ZRANB1: variants seen among roughly 807,000 people sequenced by gnomAD.
ZRANB1 encodes the protein ubiquitin thioesterase ZRANB1.
A neutral mutation model predicts 80.5 loss-of-function variants in ZRANB1; 16 were observed. The observed-to-expected ratio is 0.20, with a 90% confidence interval of 0.13 to 0.30. The LOEUF (loss-of-function observed/expected upper bound fraction) is 0.30. Ranked by LOEUF, ZRANB1 falls within the 10% of genes least tolerant of loss-of-function variation. The pLI, the probability that ZRANB1 is intolerant of heterozygous loss-of-function variation, is 1.00. For missense variants in ZRANB1, 576 were observed against 862.6 expected (o/e 0.67, Z 4.16); for synonymous variants, 291 against 293.1 (o/e 0.99, Z 0.07).
the ZRANB1 span, among the ~76,000 whole-genome samples, chr10:124,930,320 C>T: frequency 6.6e-6 from 1 of 152,184 alleles, no homozygotes; most frequent in Non-Finnish European, 1.5e-5. Flanking sequence ...GGCTGGAGTG[C>T]AGTGGTGCAA....
At chr10:124,933,416 C>T in the ZRANB1 span, among the ~76,000 whole-genome samples, 22 of 152,164 alleles carry the variant, frequency 1.4e-4, no homozygotes, top group Non-Finnish European at 2.8e-4. Context: ...GGTTTACAGG[C>T]GTGAGCCACT....
At chr10:124,918,897 T>C in the ZRANB1 span, among the ~76,000 whole-genome samples, 3 of 152,226 alleles carry the variant, frequency 2.0e-5, no homozygotes, top group Non-Finnish European at 2.9e-5. Context: ...GACATTTTGC[T>C]CTTTTGAGGA....
At chr10:124,936,516 G>C in the ZRANB1 span, among the ~76,000 whole-genome samples, 1 of 152,128 alleles carries the variant, frequency 6.6e-6, no homozygotes, top group Non-Finnish European at 1.5e-5. Flanking sequence ...TTTAATGGAG[G>C]ATTTGATAAC....
chr10:124,942,525 A>AAT lies in ZRANB1; in HGVS notation c.35_36dup (p.Cys13IlefsTer54). On this transcript the variant is annotated frameshift_variant, in exon 1 of 9. Coordinates refer to ENST00000359653, the MANE Select transcript of ZRANB1 (RefSeq NM_017580.3). LOFTEE classifies it high-confidence loss of function. ...GAACGTGGAATTAAGTGGGCTTGTG[A>AAT]ATATTGTACGTATGAAAACTGGCCA... The AAT allele has an allele frequency of 6.2e-7, 1 of 1,614,186 alleles. No individual in the cohort carries two copies. The highest frequency in any genetic ancestry group is 8.5e-7 in the Non-Finnish European group (1 of 1,180,040).
the ZRANB1 span, among the ~76,000 whole-genome samples, chr10:124,922,279 A>AT: frequency 7.1e-4 from 27 of 37,800 alleles, no homozygotes; most frequent in African/African-American, 1.4e-3. Flanking sequence ...ATATATATGT[A>AT]AAATATATAT....
intron 3 of ZRANB1, among the ~76,000 whole-genome samples, chr10:124,973,366 A>G (rs1564965451): frequency 6.6e-6 from 1 of 151,990 alleles, no homozygotes; most frequent in South Asian, 2.1e-4. Flanking sequence ...CGTGTTGCCC[A>G]GGCTGGGCTC....
At chr10:124,950,857 T>C (rs1276505317) in intron 1 of ZRANB1, among the ~76,000 whole-genome samples, 1 of 152,188 alleles carries the variant, frequency 6.6e-6, no homozygotes. Flanking sequence ...GGTGTTCCCA[T>C]GTGGTCCCCA....
chr10:124,965,731 C>T lies in ZRANB1; in HGVS notation c.815-863C>T, dbSNP rs79137734. 3.4e-3 allele frequency among the ~76,000 whole-genome samples: 510 copies of T among 152,202 alleles called. 2 individuals are homozygous for T. The highest frequency in any genetic ancestry group is 0.012 in the African/African-American group (486 of 41,516). On this transcript the variant is annotated intron_variant, in intron 1 of 8. Transcript: ENST00000359653. ...ATAATTTTTTAAAAATTGTTTTAAA[C>T]ACTTTTTGTGGTAAATTGGAAGCTA...
At chr10:124,929,561 A>G in the ZRANB1 span, among the ~76,000 whole-genome samples, 1 of 149,312 alleles carries the variant, frequency 6.7e-6, no homozygotes, top group Non-Finnish European at 1.5e-5. Flanking sequence ...GTTGGTCTCG[A>G]TCTCCTGACC....
intron 1 of ZRANB1, among the ~76,000 whole-genome samples, chr10:124,964,682 A>G (rs939970469): frequency 2.6e-5 from 4 of 152,330 alleles, no homozygotes; most frequent in African/African-American, 7.2e-5. Context: ...AAGTGTTTGG[A>G]ACATTTTTTA....
At chr10:124,937,016 G>A in the ZRANB1 span, among the ~76,000 whole-genome samples, 14 of 151,902 alleles carry the variant, frequency 9.2e-5, no homozygotes, top group South Asian at 2.1e-4. Flanking sequence ...GTGCAGTGGC[G>A]CAATCTCTGC....
chr10:124,925,963 G>A, the ZRANB1 span, among the ~76,000 whole-genome samples: 1 of 152,198 alleles, frequency 6.6e-6, no homozygotes, highest in South Asian at 2.1e-4. Context: ...GTTATAGCCT[G>A]TTGTTCCTAG....
chr10:124,960,369 T>C (rs1589847107), intron 1 of ZRANB1, among the ~76,000 whole-genome samples: 3 of 152,342 alleles, frequency 2.0e-5, no homozygotes, highest in Middle Eastern at 3.4e-3. Context: ...GTATATAATA[T>C]GAACAGTATA....
At chr10:124,932,809 C>T in the ZRANB1 span, among the ~76,000 whole-genome samples, 3 of 152,162 alleles carry the variant, frequency 2.0e-5, no homozygotes, top group South Asian at 6.2e-4. Context: ...GTGATCAGCC[C>T]ACCTTGGCCT....
the ZRANB1 span, among the ~76,000 whole-genome samples, chr10:124,922,337 T>TATATA: frequency 1.7e-4 from 6 of 34,772 alleles, no homozygotes; most frequent in Non-Finnish European, 2.3e-4. Context: ...TATATATATA[T>TATATA]TTTTTTTTTA....
At position 124,986,491 on chromosome 10, in the gene ZRANB1, C is replaced by T. The variant is rs917316502; in HGVS notation, c.*1499C>T. ...TGTCATGTCTTTAGTTCTTTCCCCC[C>T]GAAAACTCAGTAAAAAGGTGTTCCC... On this transcript the variant is annotated 3_prime_UTR_variant, in exon 9 of 9. Coordinates refer to ENST00000359653, the MANE Select transcript of ZRANB1 (RefSeq NM_017580.3). The T allele has an allele frequency of 1.1e-4, 16 of 152,060 alleles. No homozygotes were observed. Among genetic ancestry groups the T allele is most frequent in the Non-Finnish European group, 4.4e-5 (3 of 68,014 alleles). The allele number at this position is 152,060 out of a possible 1,614,324, so 9.4% of individuals were successfully genotyped here.
At chr10:124,967,895 T>G (rs957955168) in intron 2 of ZRANB1, among the ~76,000 whole-genome samples, 6 of 152,050 alleles carry the variant, frequency 3.9e-5, no homozygotes, top group African/African-American at 7.3e-5. Context: ...TCCAGGTTTT[T>G]TTTTTCTTTC....
At chr10:124,949,451 A>G (rs10901843) in intron 1 of ZRANB1, among the ~76,000 whole-genome samples, 24,650 of 144,334 alleles carry the variant, frequency 0.17, 2,161 homozygotes, top group African/African-American at 0.26. Context: ...ACACATATGT[A>G]TATATATATG....
At chr10:124,972,892 T>G (rs1951839175) in intron 3 of ZRANB1, among the ~76,000 whole-genome samples, 1 of 152,078 alleles carries the variant, frequency 6.6e-6, no homozygotes. Flanking sequence ...ATCTCCTGCC[T>G]TGACCTCCTG....
Sources: gnomAD v4.1 joint callset for allele counts (sites outside exome capture counted in the v4.1 genomes callset) on GRCh38, gnomAD v4.1.1 for gene constraint, MANE v1.5 for transcripts, NCBI Gene and HGNC (gene_info 2026-07-23, HGNC 2026-07-21) for gene names.